RASGRF2: variants seen among roughly 807,000 people sequenced by gnomAD.
RASGRF2 encodes the protein Ras protein specific guanine nucleotide releasing factor 2.
In RASGRF2, 76 loss-of-function variants were observed where a neutral mutation model predicts 151.0. That is an observed-to-expected ratio of 0.50 (90% CI 0.42 to 0.61). The LOEUF is 0.61. Ranked by LOEUF, RASGRF2 falls within the 20% of genes least tolerant of loss-of-function variation. RASGRF2 has a pLI of 0.00. For missense variants in RASGRF2, 1,148 were observed against 1,564.6 expected (o/e 0.73, Z 4.49); for synonymous variants, 504 against 566.5 (o/e 0.89, Z 1.57).
intron 5 of RASGRF2, among the ~76,000 whole-genome samples, chr5:81,079,118 A>C (rs1752016750): frequency 6.6e-6 from 1 of 152,212 alleles, no homozygotes; most frequent in Admixed American, 6.5e-5. Context: ...AGTGGAACTG[A>C]ATTTACATCC....
At chr5:81,183,637 G>A (rs1754964596) in intron 18 of RASGRF2, among the ~76,000 whole-genome samples, 1 of 152,200 alleles carries the variant, frequency 6.6e-6, no homozygotes, top group African/African-American at 2.4e-5. Context: ...AGTTGAAAGT[G>A]AAGCCACAGG....
chr5:81,193,783 G>T (rs1755201733), intron 18 of RASGRF2, among the ~76,000 whole-genome samples: 1 of 152,208 alleles, frequency 6.6e-6, no homozygotes, highest in Non-Finnish European at 1.5e-5. Context: ...CTCCCGTAGT[G>T]CTGGGATTAC....
intron 1 of RASGRF2, among the ~76,000 whole-genome samples, chr5:81,005,751 T>G (rs1260884834): frequency 1.3e-5 from 2 of 152,210 alleles, no homozygotes; most frequent in Non-Finnish European, 2.9e-5. Context: ...TTTGGGTACA[T>G]ACTGAAGAGT....
chr5:81,205,729 T>A (rs988317377), intron 19 of RASGRF2, among the ~76,000 whole-genome samples: 9 of 152,178 alleles, frequency 5.9e-5, no homozygotes, highest in African/African-American at 2.2e-4. Flanking sequence ...TGGGACCGTT[T>A]AACTATTTTA....
At chr5:81,148,694 G>A (rs1754060915) in intron 17 of RASGRF2, among the ~76,000 whole-genome samples, 2 of 134,806 alleles carry the variant, frequency 1.5e-5, no homozygotes, top group Admixed American at 7.6e-5. Flanking sequence ...GGAGGGGGAG[G>A]GATAGCATTA....
At chr5:81,203,111 A>G (rs1755433559) in intron 19 of RASGRF2, among the ~76,000 whole-genome samples, 1 of 152,226 alleles carries the variant, frequency 6.6e-6, no homozygotes, top group Non-Finnish European at 1.5e-5. Context: ...AGATTTTAAA[A>G]TTGTAAGTAC....
intron 1 of RASGRF2, 48 bp from the exon 2 acceptor site, chr5:81,042,829 G>A: frequency 1.5e-6 from 2 of 1,341,232 alleles, no homozygotes; most frequent in East Asian, 2.4e-5. Context: ...TTATGCTGTT[G>A]TGCTTGAAAA....
intron 7 of RASGRF2, among the ~76,000 whole-genome samples, chr5:81,083,614 A>T (rs903480828): frequency 1.3e-5 from 2 of 152,196 alleles, no homozygotes; most frequent in Non-Finnish European, 2.9e-5. Flanking sequence ...TTGCCAAGAA[A>T]TTTGTTATGG....
chr5:81,082,016 T>A (rs2112480302), intron 7 of RASGRF2, among the ~76,000 whole-genome samples: 1 of 152,304 alleles, frequency 6.6e-6, no homozygotes, highest in East Asian at 1.9e-4. Context: ...AGTATAGCAT[T>A]CTTCTGAGAT....
At chr5:81,188,083 C>A (rs1296369612) in intron 18 of RASGRF2, among the ~76,000 whole-genome samples, 2 of 152,130 alleles carry the variant, frequency 1.3e-5, no homozygotes, top group Non-Finnish European at 2.9e-5. Context: ...ACGTTCCTGG[C>A]CTGCTGCTGT....
intron 1 of RASGRF2, among the ~76,000 whole-genome samples, chr5:81,025,796 G>A (rs926060915): frequency 3.9e-5 from 6 of 152,150 alleles, no homozygotes; most frequent in South Asian, 2.1e-4. Context: ...GTAGTTGGGG[G>A]CCACTGGAGG....
At chr5:81,130,287 C>A (rs1753582239) in intron 17 of RASGRF2, among the ~76,000 whole-genome samples, 1 of 152,228 alleles carries the variant, frequency 6.6e-6, no homozygotes, top group Non-Finnish European at 1.5e-5. Context: ...TGTTGCCTAT[C>A]ATGCAGTCTG....
chr5:81,049,205 AG>A lies in RASGRF2; in HGVS notation c.395+6223del, dbSNP rs1336139340. Reference sequence around the variant, plus strand: ...AAAAATTCAGACAATACAAAAGTAAAGAGTTATAGTTCCACCCCCTCCCCCT... The same window carrying A: ...AAAAATTCAGACAATACAAAAGTAAAAGTTATAGTTCCACCCCCTCCCCCT... On this transcript the variant is annotated intron_variant, in intron 2 of 26. Transcript: ENST00000265080. Among the ~76,000 whole-genome samples, 8 of 151,982 alleles carry A rather than the reference AG, an allele frequency of 5.3e-5. No individual in the cohort carries two copies. The South Asian group carries it at 1.7e-3, about 32-fold the overall frequency.
chr5:81,006,506 G>C (rs1446871594), intron 1 of RASGRF2, among the ~76,000 whole-genome samples: 1 of 152,200 alleles, frequency 6.6e-6, no homozygotes, highest in Admixed American at 6.5e-5. Flanking sequence ...AGATAAGGCT[G>C]TAAGTGTGTC....
intron 1 of RASGRF2, among the ~76,000 whole-genome samples, chr5:80,978,197 T>A (rs1748188199): frequency 6.6e-6 from 1 of 152,162 alleles, no homozygotes; most frequent in Non-Finnish European, 1.5e-5. Flanking sequence ...TGCAGTTTTT[T>A]AAAAAGAGAG....
rs191744001 is a variant in RASGRF2, at chr5:81,215,340, G to A, written c.3355-536G>A. 6.6e-4 allele frequency among the ~76,000 whole-genome samples: 97 copies of A among 146,696 alleles called. 1 individual carries two copies. The highest frequency in any genetic ancestry group is 3.5e-3 in the Middle Eastern group (1 of 284). On this transcript the variant is annotated intron_variant, in intron 23 of 26. Coordinates refer to ENST00000265080, the MANE Select transcript of RASGRF2 (RefSeq NM_006909.3). ...GGCTGGCATACAGTGGCGCAATCTCGGCTCACTGCAACCTCCGCCTCCCGG... is the reference window on the plus strand; with the variant it reads ...GGCTGGCATACAGTGGCGCAATCTCAGCTCACTGCAACCTCCGCCTCCCGG...
intron 17 of RASGRF2, among the ~76,000 whole-genome samples, chr5:81,133,290 A>G (rs1234701003): frequency 6.6e-6 from 1 of 152,192 alleles, no homozygotes; most frequent in Non-Finnish European, 1.5e-5. Flanking sequence ...TCCTTTTCAT[A>G]GGGCTTTAAC....
chr5:81,003,300 G>A (rs1749144410), intron 1 of RASGRF2, among the ~76,000 whole-genome samples: 1 of 144,440 alleles, frequency 6.9e-6, no homozygotes, highest in Non-Finnish European at 1.5e-5. Context: ...TCGGCTCACT[G>A]CAAGCTCCGC....
At chr5:81,199,909 A>G (rs1157774256) in intron 18 of RASGRF2, among the ~76,000 whole-genome samples, 1 of 150,884 alleles carries the variant, frequency 6.6e-6, no homozygotes. Flanking sequence ...AAAAAAAAAA[A>G]AAAAAGAAAA....
Sources: allele counts gnomAD v4.1 joint callset (sites outside exome capture counted in the v4.1 genomes callset), GRCh38; gene constraint gnomAD v4.1.1; transcripts MANE v1.5; gene names NCBI Gene and HGNC (gene_info 2026-07-23, HGNC 2026-07-21).